The following C3orf20 variants were observed in gnomAD, a reference collection of about 807,000 sequenced individuals.
The protein encoded by C3orf20 is uncharacterized protein C3orf20.
A neutral mutation model predicts 88.3 loss-of-function variants in C3orf20; 76 were observed. The observed-to-expected ratio is 0.86, with a 90% CI of 0.72 to 1.04. C3orf20 has a LOEUF of 1.04. C3orf20 is among the 50% of genes least tolerant of loss of function. C3orf20 has a pLI of 0.00. For missense variants in C3orf20, 1,056 were observed against 1,123.3 expected, an observed-to-expected ratio of 0.94 and a Z score of 0.86; for synonymous variants, 436 against 437.4, an observed-to-expected ratio of 1.00 and a Z score of 0.04.
chr3:14,690,611 G>A (rs1056287987), intron 5 of C3orf20, among the ~76,000 whole-genome samples: 12 of 152,244 alleles, frequency 7.9e-5, no homozygotes, highest in Non-Finnish European at 1.5e-4. Context: ...ATTCTACTGA[G>A]GAAGACACAC....
intron 5 of C3orf20, among the ~76,000 whole-genome samples, chr3:14,694,626 T>A (rs996046060): frequency 2.6e-5 from 4 of 152,128 alleles, no homozygotes; most frequent in African/African-American, 9.7e-5. Context: ...TTTAACTTTT[T>A]AAAAAAACAG....
chr3:14,710,897 C>T (rs1210411097), intron 7 of C3orf20, among the ~76,000 whole-genome samples: 2 of 136,416 alleles, frequency 1.5e-5, no homozygotes. Context: ...CTTTCTTTTT[C>T]TTTTTTTTTT....
chr3:14,760,611 T>C (rs1233173045), intron 14 of C3orf20, among the ~76,000 whole-genome samples: 3 of 144,390 alleles, frequency 2.1e-5, no homozygotes, highest in African/African-American at 7.7e-5. Context: ...GTCTTCTTTT[T>C]TTTTTTTTTT....
At chr3:14,724,220 T>C (rs901647605) in intron 10 of C3orf20, among the ~76,000 whole-genome samples, 1 of 152,252 alleles carries the variant, frequency 6.6e-6, no homozygotes, top group African/African-American at 2.4e-5. Flanking sequence ...AATGTGAGTC[T>C]ACTTTTCTTA....
intron 15 of C3orf20, chr3:14,764,807 G>A (rs2035658358): frequency 6.6e-6 from 1 of 152,180 alleles, no homozygotes; most frequent in South Asian, 2.1e-4. Flanking sequence ...AAGCTGTCTT[G>A]CCTTTCATGC....
At position 14,723,837 on chromosome 3, in the gene C3orf20, ATTTTATT is replaced by A. The variant is rs1156956415; in HGVS notation, c.1566+2054_1566+2060del. 6.2e-3 allele frequency among the ~76,000 whole-genome samples: 590 copies of A among 95,400 alleles called. 3 individuals are homozygous for A. The highest frequency in any genetic ancestry group is 0.021 in the African/African-American group (549 of 25,986). The allele number at this position is 95,400 out of a possible 152,430, so 62.6% of individuals were successfully genotyped here. On this transcript the variant is annotated intron_variant, in intron 10 of 16. Transcript: ENST00000253697. ...ATTTTATTTTATTTTATTTTATTTT[ATTTTATT>A]GAGACCAAGCCTTGTCTGTCGCCCA...
intron 10 of C3orf20, chr3:14,722,242 GGAA>G (rs2034190145): frequency 3.1e-6 from 1 of 321,308 alleles, no homozygotes; most frequent in Non-Finnish European, 6.2e-6. Context: ...TAGTGCCCCT[GGAA>G]GAAGGAGGGC....
chr3:14,727,418 C>G (rs2034392223), intron 11 of C3orf20, among the ~76,000 whole-genome samples: 1 of 152,146 alleles, frequency 6.6e-6, no homozygotes, highest in Non-Finnish European at 1.5e-5. Flanking sequence ...CCCTGCTCCT[C>G]CCTTCTTTTT....
At chr3:14,703,657 A>G (rs2033374437) in intron 6 of C3orf20, among the ~76,000 whole-genome samples, 1 of 152,222 alleles carries the variant, frequency 6.6e-6, no homozygotes, top group South Asian at 2.1e-4. Context: ...GCACCTTGCC[A>G]GGGATGCCCC....
chr3:14,758,376 G>T (rs1392720674), intron 13 of C3orf20, among the ~76,000 whole-genome samples: 2 of 152,214 alleles, frequency 1.3e-5, no homozygotes, highest in Non-Finnish European at 2.9e-5. Flanking sequence ...TCTAAAGGGA[G>T]TCTTCAGGCC....
chr3:14,681,833 T>A (rs1559391648), intron 1 of C3orf20, among the ~76,000 whole-genome samples: 1 of 152,228 alleles, frequency 6.6e-6, no homozygotes, highest in Non-Finnish European at 1.5e-5. Context: ...AATTGTTCTT[T>A]ATGCTTCCTT....
At position 14,683,176 on chromosome 3, in the gene C3orf20, G is replaced by A. The variant is rs866896895; in HGVS notation, c.463G>A (p.Ala155Thr). The change falls in exon 3 of 17, where the codon GCC (alanine) becomes ACC (threonine). Residue 155 changes from alanine (A) to threonine (T), a missense_variant. By Grantham distance (58) the Ala-to-Thr change is moderately conservative. Transcript: ENST00000253697. The stretch of plus-strand genomic sequence containing the variant: ...GGAGCTCCTCAGACTGAAGATGAAG[G>A]CCATGGTGGAGTCTATGTCGGGTAA... The part of the protein sequence containing the change: ...LTELLRLKMK[A>T]MVESMSVGAN... 1 of 1,594,642 alleles carries A rather than the reference G, an allele frequency of 6.3e-7. No homozygotes were observed. The highest frequency in any genetic ancestry group is 8.5e-7 in the Non-Finnish European group (1 of 1,169,960).
rs150918018 is a variant in C3orf20, at chr3:14,730,697, G to GT, written c.1940+2010dup. On this transcript the variant is annotated intron_variant, in intron 12 of 16. Transcript: ENST00000253697. ...GTGAAATTGCTGTCATTGAGTATGT[G>GT]TATGTTCAGCTTCTAGTACAGACTG... is the stretch of plus-strand genomic sequence containing the variant. Among the ~76,000 whole-genome samples the GT allele has an allele frequency of 2.2e-3, 330 of 152,304 alleles. 1 individual carries two copies. The highest frequency in any genetic ancestry group is 7.6e-3 in the African/African-American group (317 of 41,562).
In C3orf20 at chr3:14,728,564, C is replaced by T. The variant is rs750004016; in HGVS notation, c.1816C>T (p.Arg606Ter). 27 of 1,614,204 alleles carry T rather than the reference C, an allele frequency of 1.7e-5. No individual in the cohort carries two copies. Among genetic ancestry groups the T allele is most frequent in the Admixed American group, 1.5e-4 (9 of 60,012 alleles). The change falls in exon 12 of 17, where the codon CGA becomes TGA. Residue 606 changes from arginine (R) to a stop codon, truncating the protein, a stop_gained. Coordinates refer to ENST00000253697, the MANE Select transcript of C3orf20 (RefSeq NM_032137.5). LOFTEE classifies it high-confidence loss of function. ...TTTATACTCAGGAGAAAGTCTTTTA[C>T]GATCTCAGTCAGGCCACCTGGAATC... is the stretch of plus-strand genomic sequence containing the variant. ...LSLYSGESLLRSQSGHLESSI... is the reference protein window; with the variant it reads ...LSLYSGESLL
intron 5 of C3orf20, among the ~76,000 whole-genome samples, chr3:14,699,395 C>T (rs1329100891): frequency 6.6e-6 from 1 of 152,188 alleles, no homozygotes; most frequent in Non-Finnish European, 1.5e-5. Flanking sequence ...AGAGTGTCAC[C>T]CAAGGCCCAC....
chr3:14,715,567 C>T (rs543106087), intron 9 of C3orf20, among the ~76,000 whole-genome samples, 158 bp downstream of exon 9: 5 of 152,366 alleles, frequency 3.3e-5, no homozygotes, highest in Non-Finnish European at 1.5e-5. Flanking sequence ...CAGAGGTTCC[C>T]AAGTTGGTGG....
intron 5 of C3orf20, among the ~76,000 whole-genome samples, chr3:14,700,537 G>A (rs1054090382): frequency 6.6e-6 from 1 of 152,160 alleles, no homozygotes; most frequent in Non-Finnish European, 1.5e-5. Context: ...AAGGACTCGG[G>A]GGATTGCTAC....
intron 12 of C3orf20, among the ~76,000 whole-genome samples, chr3:14,737,790 G>A (rs900369103): frequency 2.6e-5 from 4 of 152,250 alleles, no homozygotes; most frequent in African/African-American, 9.6e-5. Context: ...TTTCAAAATT[G>A]GAGTCAGTCC....
intron 1 of C3orf20, among the ~76,000 whole-genome samples, chr3:14,675,690 GTTATTTAT>G (rs113175157): frequency 0.82 from 122,730 of 150,482 alleles, 51,067 homozygotes; most frequent in Non-Finnish European, 0.91. Context: ...TTTTGTTTTT[GTTATTTAT>G]TTATTTATTT....
Sources: allele counts gnomAD v4.1 joint callset (sites outside exome capture counted in the v4.1 genomes callset), GRCh38; gene constraint gnomAD v4.1.1; transcripts MANE v1.5; gene names NCBI Gene and HGNC (gene_info 2026-07-23, HGNC 2026-07-21).